The following DAAM2 variants were observed in gnomAD, a reference collection of about 807,000 sequenced individuals.
DAAM2 encodes the protein disheveled-associated activator of morphogenesis 2.
Under a neutral mutation model 120.7 loss-of-function variants are expected in DAAM2, and 39 were observed. That is an observed-to-expected ratio of 0.32 (90% CI 0.25 to 0.42). DAAM2 has a LOEUF of 0.42. Among genes scored for constraint, DAAM2 ranks in the 10% least tolerant of loss-of-function variants. The probability of loss-of-function intolerance (pLI) is 1.00; values close to 1 mark genes in which losing one functional copy is unlikely to be tolerated. For missense variants in DAAM2, 1,283 were observed against 1,401.7 expected, an observed-to-expected ratio of 0.92 and a Z score of 1.35; for synonymous variants, 488 against 524.9, an observed-to-expected ratio of 0.93 and a Z score of 0.96.
At chr6:39,879,046 G>A in intron 13 of DAAM2, 132 bp from the exon 14 acceptor site, 3 of 634,146 alleles carry the variant, frequency 4.7e-6, no homozygotes, top group East Asian at 5.6e-5. Context: ...GGGGCCAAAT[G>A]TGTGTAGAAG....
chr6:39,804,876 C>G (rs1761965012), intron 1 of DAAM2, among the ~76,000 whole-genome samples: 1 of 152,180 alleles, frequency 6.6e-6, no homozygotes, highest in Non-Finnish European at 1.5e-5. Context: ...ATCTGGGAAG[C>G]TGCCTGGTAT....
chr6:39,893,808 T>A (rs1264985284), intron 19 of DAAM2, among the ~76,000 whole-genome samples: 1 of 152,170 alleles, frequency 6.6e-6, no homozygotes, highest in Non-Finnish European at 1.5e-5. Flanking sequence ...AAGAGGATTG[T>A]GCAAAGATGG....
chr6:39,834,098 G>A (rs566481023), intron 1 of DAAM2, among the ~76,000 whole-genome samples: 10 of 152,292 alleles, frequency 6.6e-5, no homozygotes, highest in African/African-American at 2.4e-4. Context: ...GAGTCTTGGG[G>A]TAATGGCTCT....
In DAAM2 at chr6:39,792,674, G is replaced by C. The variant is rs1390896781; in HGVS notation, c.-57+209G>C. Among the ~76,000 whole-genome samples, 4 of 152,230 alleles carry C rather than the reference G, an allele frequency of 2.6e-5. No individual in the cohort carries two copies. In the East Asian group the frequency reaches 7.7e-4, roughly 29 times the overall value. On this transcript the variant is annotated intron_variant, in intron 1 of 24. Transcript: ENST00000274867. ...CGGAGTGGGCTCCCAGGGCCTGTGT[G>C]TGTGTGAGTTGTGTGTGTGTATGAG...
chr6:39,868,146 CA>C, intron 6 of DAAM2: 4 of 390,976 alleles, frequency 1.0e-5, no homozygotes, highest in Admixed American at 3.8e-5. Context: ...TCTGCATCTC[CA>C]ACCTCAACAC....
chr6:39,802,964 T>C (rs1036990440), intron 1 of DAAM2, among the ~76,000 whole-genome samples: 3 of 152,136 alleles, frequency 2.0e-5, no homozygotes, highest in African/African-American at 4.8e-5. Flanking sequence ...AATCATACAG[T>C]GGGTGCTTAT....
intron 23 of DAAM2, among the ~76,000 whole-genome samples, chr6:39,900,790 A>C (rs1460054328): frequency 6.6e-6 from 1 of 152,182 alleles, no homozygotes; most frequent in African/African-American, 2.4e-5. Flanking sequence ...GAGTGAGTTG[A>C]ATTAACAATG....
At chr6:39,897,416 G>T in intron 21 of DAAM2, 134 bp downstream of exon 21, 1 of 622,546 alleles carries the variant, frequency 1.6e-6, no homozygotes, top group Non-Finnish European at 2.9e-6. Flanking sequence ...GAGTTCAAAA[G>T]AATTTAAACA....
intron 19 of DAAM2, among the ~76,000 whole-genome samples, chr6:39,894,512 T>A (rs907156277): frequency 7.8e-6 from 1 of 128,802 alleles, no homozygotes; most frequent in Non-Finnish European, 1.6e-5. Flanking sequence ...CCCCAGAGCC[T>A]TCTTCATGTC....
chr6:39,869,575 A>T (rs1764569525), intron 7 of DAAM2, among the ~76,000 whole-genome samples: 1 of 152,058 alleles, frequency 6.6e-6, no homozygotes, highest in Non-Finnish European at 1.5e-5. Context: ...AGGGGACAAG[A>T]GCAAAACTCC....
In DAAM2 at chr6:39,846,059, A is replaced by G. The variant is rs146571431; in HGVS notation, c.-56-10188A>G. Among the ~76,000 whole-genome samples, 1,443 of 152,226 alleles carry G rather than the reference A, an allele frequency of 9.5e-3. 25 individuals are homozygous for G. The highest frequency in any genetic ancestry group is 0.033 in the African/African-American group (1,374 of 41,522). ...AGCCTGGTATTTGGGAATAAAACAA[A>G]TGCATCCAAGGCGTTTTAGAAAAAG... On this transcript the variant is annotated intron_variant, in intron 1 of 24. Coordinates refer to ENST00000274867, the MANE Select transcript of DAAM2 (RefSeq NM_001201427.2).
intron 11 of DAAM2, among the ~76,000 whole-genome samples, chr6:39,876,312 G>A (rs781120802): frequency 6.6e-6 from 1 of 152,152 alleles, no homozygotes; most frequent in Non-Finnish European, 1.5e-5. Context: ...TCATTATGTT[G>A]CATTCCAAAG....
intron 1 of DAAM2, among the ~76,000 whole-genome samples, chr6:39,808,100 C>A (rs150796937): frequency 3.6e-5 from 5 of 140,766 alleles, no homozygotes; most frequent in South Asian, 2.2e-4. Context: ...TTCTAATTTG[C>A]GGATTTGTTG....
chr6:39,849,088 A>G (rs1431232838), intron 1 of DAAM2, among the ~76,000 whole-genome samples: 1 of 152,232 alleles, frequency 6.6e-6, no homozygotes, highest in Non-Finnish European at 1.5e-5. Context: ...TGGACTAAAA[A>G]TAATTGGATA....
At chr6:39,864,376 C>A in intron 3 of DAAM2, 57 bp from the exon 4 acceptor site, 1 of 1,376,902 alleles carries the variant, frequency 7.3e-7, no homozygotes, top group Non-Finnish European at 1.0e-6. Context: ...AGCTCAGGAT[C>A]TCAGGCCACG....
intron 1 of DAAM2, among the ~76,000 whole-genome samples, chr6:39,796,130 C>A (rs1761692893): frequency 6.6e-6 from 1 of 152,080 alleles, no homozygotes; most frequent in Admixed American, 6.5e-5. Flanking sequence ...GCCCCCTGAA[C>A]CCTGATTGAT....
intron 7 of DAAM2, among the ~76,000 whole-genome samples, chr6:39,870,051 T>C (rs1276556464): frequency 6.6e-6 from 1 of 152,186 alleles, no homozygotes; most frequent in East Asian, 1.9e-4. Flanking sequence ...AAGCTTGTGC[T>C]CCATGTCACT....
chr6:39,852,263 G>T (rs965598400), intron 1 of DAAM2, among the ~76,000 whole-genome samples: 1 of 152,152 alleles, frequency 6.6e-6, no homozygotes, highest in African/African-American at 2.4e-5. Flanking sequence ...ATTCTCCTCC[G>T]AGGTGGAAAA....
chr6:39,826,378 C>A (rs1290439846), intron 1 of DAAM2, among the ~76,000 whole-genome samples: 1 of 152,100 alleles, frequency 6.6e-6, no homozygotes, highest in Non-Finnish European at 1.5e-5. Context: ...GGGGCTGGGG[C>A]TATTCTAGGA....
Sources: gnomAD v4.1 joint callset for allele counts (sites outside exome capture counted in the v4.1 genomes callset) on GRCh38, gnomAD v4.1.1 for gene constraint, MANE v1.5 for transcripts, NCBI Gene and HGNC (gene_info 2026-07-23, HGNC 2026-07-21) for gene names.